The following PRR19 variants were observed in gnomAD, a reference collection of about 807,000 sequenced individuals.
PRR19 encodes proline rich 19, also known as proline-rich protein 19.
PRR19 carries 9 observed loss-of-function variants against 19.2 expected under a neutral mutation model. The ratio of observed to expected loss-of-function variants is 0.47; its 90% CI spans 0.28 to 0.82. PRR19 has a LOEUF of 0.82. Among genes scored for constraint, PRR19 ranks in the 40% least tolerant of loss-of-function variants. PRR19 has a pLI of 0.11. For synonymous variants in PRR19, 190 were observed against 191.0 expected (o/e 0.99, Z 0.04); for missense variants, 457 against 466.0 (o/e 0.98, Z 0.18).
At position 42,310,692 on chromosome 19, in the gene PRR19, C is replaced by T; in HGVS notation, c.1023C>T (p.Ala341=). 6.3e-7 allele frequency: 1 copy of T among 1,592,056 alleles called. No individual in the cohort carries two copies. The highest frequency in any genetic ancestry group is 1.7e-5 in the Admixed American group (1 of 57,902). Residue 341 remains alanine, a synonymous_variant, in exon 3 of 3, where the codon GCC becomes GCT. Transcript: ENST00000341747. ...SPLPSLSWVV[A]QSSPEAWSFP... is the part of the protein sequence containing the mutation. ...TGCCCAGCCTCTCCTGGGTAGTAGC[C>T]CAGAGCAGTCCGGAAGCCTGGTCTT...
chr19:42,302,415 G>C lies in PRR19; in HGVS notation c.-95G>C. ...ACTCCTACCCCTCGCGGCAACAAAGGACCGTCCCAACGCTAGCACACCCGC... is the reference window on the plus strand; with the variant it reads ...ACTCCTACCCCTCGCGGCAACAAAGCACCGTCCCAACGCTAGCACACCCGC... On this transcript the variant is annotated 5_prime_UTR_variant, in exon 1 of 3. Transcript: ENST00000341747. 3.8e-6 allele frequency: 4 copies of C among 1,050,732 alleles called. No individual in the cohort carries two copies. Among genetic ancestry groups the C allele is most frequent in the Non-Finnish European group, 5.5e-6 (4 of 729,874 alleles). The allele number at this position is 1,050,732 out of a possible 1,614,324, so 65.1% of individuals were successfully genotyped here.
chr19:42,302,319 G>A lies in PRR19; in HGVS notation c.-191G>A, dbSNP rs763157121. The A allele has an allele frequency of 1.3e-6, 2 of 1,593,728 alleles. No homozygotes were observed. Among genetic ancestry groups the A allele is most frequent in the Admixed American group, 1.7e-5 (1 of 57,958 alleles). ...TCTCCTCTCCACTCATCTTGGCGCCGCAGCTCCTGCAGGATGAGCGAGTCG... is the reference window on the plus strand; with the variant it reads ...TCTCCTCTCCACTCATCTTGGCGCCACAGCTCCTGCAGGATGAGCGAGTCG... On this transcript the variant is annotated 5_prime_UTR_variant, in exon 1 of 3. Coordinates refer to ENST00000341747, the MANE Select transcript of PRR19 (RefSeq NM_199285.3).
At chr19:42,304,152 C>T (rs2038680791) in intron 1 of PRR19, among the ~76,000 whole-genome samples, 1 of 151,638 alleles carries the variant, frequency 6.6e-6, no homozygotes, top group South Asian at 2.1e-4. Context: ...TGGCAGCACA[C>T]GCCCGTAGTC....
At position 42,302,503 on chromosome 19, in the gene PRR19, G is replaced by A. The variant is rs1244998142; in HGVS notation, c.-7G>A. ...CAGGGACGGAAGCCTTCACTTAGGA[G>A]GTAGGTGGAATCAGGAACCTTCGCT... On this transcript the variant is annotated splice_region_variant and 5_prime_UTR_variant, in exon 1 of 3. Transcript: ENST00000341747. 22 of 565,544 alleles carry A rather than the reference G, an allele frequency of 3.9e-5. No individual in the cohort carries two copies. The highest frequency in any genetic ancestry group is 6.5e-5 in the Non-Finnish European group (21 of 320,762). 35.0% of individuals were successfully genotyped at this position (565,544 alleles called of 1,614,324 possible).
chr19:42,309,633 C>T lies in PRR19; in HGVS notation c.49C>T (p.Pro17Ser). ...VSQPFQQPEKPGRVRRRKTRR... is the reference protein window; with the variant it reads ...VSQPFQQPEKSGRVRRRKTRR... ...CCAGCCTTTTCAGCAGCCTGAGAAA[C>T]CTGGTCGTGTCCGTCGTCGGAAGAC... The change falls in exon 2 of 3, where the codon CCT becomes TCT. Residue 17 changes from proline (P) to serine (S), a missense_variant. Pro to Ser is a moderately conservative substitution (Grantham distance 74). Coordinates refer to ENST00000341747, the MANE Select transcript of PRR19 (RefSeq NM_199285.3). 1.9e-6 allele frequency: 3 copies of T among 1,551,402 alleles called. No individual in the cohort carries two copies. Among genetic ancestry groups the T allele is most frequent in the Non-Finnish European group, 8.7e-7 (1 of 1,145,022 alleles).
rs2038770997 is a variant in PRR19 at position 42,310,082 on chromosome 19, G to C, written c.498G>C (p.Leu166=). Residue 166 remains leucine, a synonymous_variant, in exon 2 of 3, where the codon CTG becomes CTC. Transcript: ENST00000341747. ...SLPQAFPRRN[L]IQDARDAIVH... ...CACAGGCCTTCCCCCGGAGGAACCT[G>C]ATTCAGGATGCCAGGGATGCCATCG... 1 of 1,613,986 alleles carries C rather than the reference G, an allele frequency of 6.2e-7. No homozygotes were observed.
At position 42,309,896 on chromosome 19, in the gene PRR19, C is replaced by G. The variant is rs1317953388; in HGVS notation, c.312C>G (p.Ala104=). The change falls in exon 2 of 3, where the codon GCC becomes GCG. Residue 104 remains alanine, a synonymous_variant. Transcript: ENST00000341747. ...TLVPGSPTLP[A]KPSPSPGRAQ... ...TGCCAGGCAGCCCCACACTCCCCGC[C>G]AAGCCCTCCCCAAGCCCAGGCAGGG... 1.2e-6 allele frequency: 2 copies of G among 1,614,022 alleles called. No homozygotes were observed. Among genetic ancestry groups the G allele is most frequent in the East Asian group, 4.5e-5 (2 of 44,882 alleles).
rs374800302 is a variant in PRR19 at position 42,310,764 on chromosome 19, G to A, written c.*24G>A. The A allele has an allele frequency of 6.9e-7, 1 of 1,459,048 alleles. No homozygotes were observed. Among genetic ancestry groups the A allele is most frequent in the Non-Finnish European group, 9.2e-7 (1 of 1,081,538 alleles). The allele number at this position is 1,459,048 out of a possible 1,614,324, so 90.4% of individuals were successfully genotyped here. A position where few individuals can be genotyped will look rare whatever the true frequency, so the allele number is the denominator to read the frequency against. On this transcript the variant is annotated 3_prime_UTR_variant, in exon 3 of 3. Transcript: ENST00000341747. ...GAGGAGAGGCTGAGGCTAGGGCTGGGGACAGATATCTTGTACTCCCAGTGA... is the reference window on the plus strand; with the variant it reads ...GAGGAGAGGCTGAGGCTAGGGCTGGAGACAGATATCTTGTACTCCCAGTGA...
In PRR19 at chr19:42,310,196, C is replaced by T; in HGVS notation, c.601+11C>T. On this transcript the variant is annotated intron_variant, in intron 2 of 2. Transcript: ENST00000341747. ...AGCCACCCTTGCCAGGTGAGCGTCC[C>T]TCCTGCCCCTGTACTCCCCTTTCCT... 14 of 1,613,968 alleles carry T rather than the reference C, an allele frequency of 8.7e-6. No homozygotes were observed. The highest frequency in any genetic ancestry group is 1.2e-5 in the Non-Finnish European group (14 of 1,180,012).
Position 42,310,493 on chromosome 19 carries a change from C to T in PRR19, c.824C>T (p.Thr275Ile). The T allele has an allele frequency of 3.7e-6, 6 of 1,614,186 alleles. No individual in the cohort carries two copies. The highest frequency in any genetic ancestry group is 5.1e-6 in the Non-Finnish European group (6 of 1,180,018). ...YFPSLSSPSG[T>I]AWGPPTAFDL... ...CCCTCACTGTCTTCGCCATCTGGAA[C>T]AGCCTGGGGTCCCCCAACAGCGTTT... The change falls in exon 3 of 3, where the codon ACA becomes ATA. Residue 275 changes from threonine to isoleucine, a missense_variant. Coordinates refer to ENST00000341747, the MANE Select transcript of PRR19 (RefSeq NM_199285.3).
In PRR19 at chr19:42,309,820, A is replaced by G; in HGVS notation, c.236A>G (p.His79Arg). Residue 79 changes from histidine to arginine, a missense_variant, in exon 2 of 3, where the codon CAC becomes CGC. His to Arg is a conservative substitution (Grantham distance 29). Transcript: ENST00000341747. ...CGGGAGCACCGGGGTCTCTTCAACC[A>G]CGAGGTGAAATCCCTAGATGTTGCA... ...LSREHRGLFN[H>R]EVKSLDVARL... 1.9e-6 allele frequency: 3 copies of G among 1,614,056 alleles called. No homozygotes were observed. Among genetic ancestry groups the G allele is most frequent in the Non-Finnish European group, 2.5e-6 (3 of 1,179,996 alleles).
chr19:42,304,744 C>T (rs1326720104), intron 1 of PRR19, among the ~76,000 whole-genome samples: 4 of 126,344 alleles, frequency 3.2e-5, no homozygotes, highest in East Asian at 2.3e-4. Flanking sequence ...AGCGAGACGC[C>T]GTCTCAAAAA....
chr19:42,302,309 T>A lies in PRR19; in HGVS notation c.-201T>A. 6.2e-7 allele frequency: 1 copy of A among 1,602,438 alleles called. No homozygotes were observed. The highest frequency in any genetic ancestry group is 8.5e-7 in the Non-Finnish European group (1 of 1,175,902). On this transcript the variant is annotated 5_prime_UTR_variant, in exon 1 of 3. Transcript: ENST00000341747. ...CTGGCTGGGTTCTCCTCTCCACTCA[T>A]CTTGGCGCCGCAGCTCCTGCAGGAT...
chr19:42,302,811 G>GGGGGGGGGACCCATTCACGTGGT (rs2038660372), intron 1 of PRR19: 2 of 136,998 alleles, frequency 1.5e-5, no homozygotes. Flanking sequence ...TGTTGCGGGG[G>GGGGGGGGGACCCATTCACGTGGT]GGGGGGTGAC....
chr19:42,305,318 G>A lies in PRR19; in HGVS notation c.-7+2815G>A, dbSNP rs533825657. Reference sequence around the variant, plus strand: ...TTTTTTGATAGAGTCTCGCTCTGTCGCCTAGGCTGGACTGCAATGGCGCGA... The same window carrying A: ...TTTTTTGATAGAGTCTCGCTCTGTCACCTAGGCTGGACTGCAATGGCGCGA... On this transcript the variant is annotated intron_variant, in intron 1 of 2. Coordinates refer to ENST00000341747, the MANE Select transcript of PRR19 (RefSeq NM_199285.3). 1.5e-4 allele frequency among the ~76,000 whole-genome samples: 23 copies of A among 150,788 alleles called. No individual in the cohort carries two copies. In the South Asian group the frequency reaches 4.0e-3, roughly 26 times the overall value.
Position 42,302,348 on chromosome 19 carries a change from C to A in PRR19, c.-162C>A, listed in dbSNP as rs1451999415. On this transcript the variant is annotated 5_prime_UTR_variant, in exon 1 of 3. Transcript: ENST00000341747. ...CTCCTGCAGGATGAGCGAGTCGGGT[C>A]GGCCCGGGAGTGTTCCGAACGGAGC... is the stretch of plus-strand genomic sequence containing the variant. 2 of 1,549,980 alleles carry A rather than the reference C, an allele frequency of 1.3e-6. No homozygotes were observed. The highest frequency in any genetic ancestry group is 1.9e-5 in the Admixed American group (1 of 53,104).
intron 1 of PRR19, 41 bp from the exon 2 acceptor site, chr19:42,309,538 C>G: frequency 6.9e-7 from 1 of 1,459,112 alleles, no homozygotes; most frequent in South Asian, 1.4e-5. Context: ...CTCCCCTTGA[C>G]TTATCTGCAT....
At chr19:42,306,293 C>T (rs2038705657) in intron 1 of PRR19, among the ~76,000 whole-genome samples, 1 of 152,256 alleles carries the variant, frequency 6.6e-6, no homozygotes, top group African/African-American at 2.4e-5. Flanking sequence ...CCTGCCTCAG[C>T]CTCCCGAGTA....
chr19:42,304,325 A>G (rs2038682969), intron 1 of PRR19, among the ~76,000 whole-genome samples: 1 of 150,160 alleles, frequency 6.7e-6, no homozygotes, highest in African/African-American at 2.5e-5. Context: ...ACAAACAAAT[A>G]AAGTCTGAGG....
Sources: gnomAD v4.1 joint callset for allele counts (sites outside exome capture counted in the v4.1 genomes callset) on GRCh38, gnomAD v4.1.1 for gene constraint, MANE v1.5 for transcripts, NCBI Gene and HGNC (gene_info 2026-07-23, HGNC 2026-07-21) for gene names.